DCC: variants seen among roughly 807,000 people sequenced by gnomAD.
The protein encoded by DCC is netrin receptor DCC.
In DCC, 58 loss-of-function variants were observed where a neutral mutation model predicts 172.5. The ratio of observed to expected loss-of-function variants is 0.34; its 90% CI spans 0.27 to 0.42. The LOEUF is 0.42. DCC is among the 10% of genes least tolerant of loss of function. DCC has a pLI of 1.00. For synonymous variants in DCC, 709 were observed against 644.5 expected (o/e 1.10, Z -1.52); for missense variants, 1,740 against 1,791.0 (o/e 0.97, Z 0.51).
rs1490159568 is a variant in DCC, at chr18:53,205,338, A to G, written c.1696A>G (p.Thr566Ala). The G allele has an allele frequency of 6.2e-7, 1 of 1,613,976 alleles. No homozygotes were observed. ...GPVQGYRLFC[T>A]EVSTGKEQNI... ...AGTCCAAGGTTACAGATTGTTCTGC[A>G]CTGAGGTGTCCACAGGAAAAGAACA... The change falls in exon 10 of 29, where the codon ACT becomes GCT. Residue 566 changes from threonine (T) to alanine (A), a missense_variant. Thr to Ala is a moderately conservative substitution (Grantham distance 58, BLOSUM62 0). Transcript: ENST00000442544.
intron 3 of DCC, among the ~76,000 whole-genome samples, chr18:52,907,863 A>ATG: frequency 6.6e-6 from 1 of 152,192 alleles, no homozygotes; most frequent in African/African-American, 2.4e-5. Flanking sequence ...AAGTAATTAC[A>ATG]ATAGGGTGTG....
intron 12 of DCC, among the ~76,000 whole-genome samples, chr18:53,252,790 A>G (rs764288835): frequency 2.0e-5 from 3 of 152,002 alleles, no homozygotes; most frequent in Non-Finnish European, 2.9e-5. Context: ...TAAAGCCCTA[A>G]GTTGGGTTAA....
chr18:53,120,471 C>G (rs2043468377), intron 7 of DCC, among the ~76,000 whole-genome samples: 2 of 151,528 alleles, frequency 1.3e-5, no homozygotes, highest in African/African-American at 4.8e-5. Context: ...TACTTAATAA[C>G]AGGAAGCTGT....
intron 1 of DCC, among the ~76,000 whole-genome samples, chr18:52,541,666 C>T (rs947067978): frequency 6.6e-6 from 1 of 151,910 alleles, no homozygotes; most frequent in East Asian, 1.9e-4. Flanking sequence ...AGAACTTCCC[C>T]TGGACTTAAT....
chr18:52,965,689 C>T (rs1013822100), intron 5 of DCC, among the ~76,000 whole-genome samples: 1 of 152,082 alleles, frequency 6.6e-6, no homozygotes, highest in Non-Finnish European at 1.5e-5. Context: ...GAAAAGGACA[C>T]TGGAAATAAA....
At chr18:53,313,518 T>C (rs141809305) in intron 13 of DCC, among the ~76,000 whole-genome samples, 113 of 152,274 alleles carry the variant, frequency 7.4e-4, no homozygotes, top group African/African-American at 2.6e-3. Flanking sequence ...AGTGCTGGGA[T>C]TACAGGCTTG....
At chr18:52,702,902 C>T (rs1449176390) in intron 1 of DCC, among the ~76,000 whole-genome samples, 2 of 152,136 alleles carry the variant, frequency 1.3e-5, no homozygotes, top group African/African-American at 4.8e-5. Context: ...TGGTCATTTT[C>T]GGCTCCTATT....
At chr18:53,308,317 C>T (rs964646417) in intron 13 of DCC, among the ~76,000 whole-genome samples, 6 of 151,322 alleles carry the variant, frequency 4.0e-5, no homozygotes, top group African/African-American at 7.3e-5. Flanking sequence ...TACAAGAGCT[C>T]GTATTTATTA....
chr18:53,067,091 A>G (rs1039647687), intron 7 of DCC, among the ~76,000 whole-genome samples: 2 of 152,196 alleles, frequency 1.3e-5, no homozygotes, highest in Non-Finnish European at 2.9e-5. Context: ...GCAATTAGAC[A>G]TGAGAGTTTG....
intron 5 of DCC, among the ~76,000 whole-genome samples, chr18:52,981,768 G>A (rs1335442356): frequency 6.6e-6 from 1 of 151,990 alleles, no homozygotes; most frequent in Admixed American, 6.6e-5. Context: ...ATTTTTCTTG[G>A]CATGTTGAGT....
chr18:53,048,142 CA>C (rs1195064450), intron 5 of DCC, among the ~76,000 whole-genome samples: 1 of 151,776 alleles, frequency 6.6e-6, no homozygotes, highest in Non-Finnish European at 1.5e-5. Context: ...ATTTTAGGTT[CA>C]GGGGTACATG....
intron 27 of DCC, among the ~76,000 whole-genome samples, chr18:53,499,935 GC>G (rs1199027074): frequency 6.6e-6 from 1 of 152,150 alleles, no homozygotes; most frequent in Non-Finnish European, 1.5e-5. Context: ...TCTAATTTGT[GC>G]CTTTCAATAG....
chr18:53,135,173 G>A (rs969957066), intron 7 of DCC, among the ~76,000 whole-genome samples: 19 of 152,204 alleles, frequency 1.2e-4, no homozygotes, highest in Admixed American at 1.1e-3. Flanking sequence ...ACAGACTGAC[G>A]GGAAAACTAT....
chr18:52,832,346 G>T (rs2038630378), intron 2 of DCC, among the ~76,000 whole-genome samples: 1 of 152,090 alleles, frequency 6.6e-6, no homozygotes, highest in African/African-American at 2.4e-5. Flanking sequence ...TCTCATAAAT[G>T]AGAACTCTAT....
At chr18:53,405,414 T>C (rs906139587) in intron 19 of DCC, among the ~76,000 whole-genome samples, 11 of 152,254 alleles carry the variant, frequency 7.2e-5, no homozygotes, top group African/African-American at 2.6e-4. Context: ...TTCTCACCTA[T>C]AAAATAAAGA....
chr18:52,799,810 TAGCAA>T (rs2037949445), intron 2 of DCC, among the ~76,000 whole-genome samples: 1 of 152,214 alleles, frequency 6.6e-6, no homozygotes, highest in South Asian at 2.1e-4. Context: ...TGTTAATAAC[TAGCAA>T]TATAATAATA....
intron 12 of DCC, among the ~76,000 whole-genome samples, chr18:53,289,582 G>A (rs985748640): frequency 6.6e-6 from 1 of 151,790 alleles, no homozygotes; most frequent in African/African-American, 2.4e-5. Context: ...CTGGAGTGTA[G>A]CAAGCATTTG....
At chr18:52,936,237 T>G (rs2040380784) in intron 5 of DCC, among the ~76,000 whole-genome samples, 1 of 57,276 alleles carries the variant, frequency 1.7e-5, no homozygotes, top group Non-Finnish European at 5.2e-5. Flanking sequence ...TATGCAAAAT[T>G]AAGTGCAAAA....
intron 7 of DCC, among the ~76,000 whole-genome samples, chr18:53,117,323 C>T (rs2043422781): frequency 6.6e-6 from 1 of 151,716 alleles, no homozygotes; most frequent in Non-Finnish European, 1.5e-5. Flanking sequence ...CAGCAAGTTT[C>T]ACTTGCTTCA....
Sources: gnomAD v4.1 joint callset for allele counts (sites outside exome capture counted in the v4.1 genomes callset) on GRCh38, gnomAD v4.1.1 for gene constraint, MANE v1.5 for transcripts, NCBI Gene and HGNC (gene_info 2026-07-23, HGNC 2026-07-21) for gene names.